Variants in ARFGAP2 observed in about 807,000 individuals in gnomAD.
ARFGAP2 encodes the protein ADP-ribosylation factor GTPase-activating protein 2.
ARFGAP2 carries 45 observed loss-of-function variants against 71.9 expected under a neutral mutation model. That is an observed-to-expected ratio of 0.63 (90% confidence interval 0.49 to 0.80). The LOEUF is 0.80. ARFGAP2 is among the 30% of genes least tolerant of loss of function. The pLI is 0.00. For synonymous variants in ARFGAP2, 248 were observed against 249.2 expected, an observed-to-expected ratio of 1.00 and a Z score of 0.05; for missense variants, 633 against 673.9, an observed-to-expected ratio of 0.94 and a Z score of 0.67.
chr11:47,176,630 C>G lies in ARFGAP2; in HGVS notation c.77G>C (p.Cys26Ser). ...RLRAVPTNKA[C>S]FDCGAKNPSW... is the part of the protein sequence containing the mutation. Reference sequence around the variant, plus strand: ...CGGATTCTTGGCGCCGCAGTCGAAACAGGCCTGGGTGGAGGCGGCGATGAG... The same window carrying G: ...CGGATTCTTGGCGCCGCAGTCGAAAGAGGCCTGGGTGGAGGCGGCGATGAG... Residue 26 changes from cysteine (C) to serine (S), a missense_variant, in exon 2 of 16, where the codon TGT becomes TCT. Transcript: ENST00000524782. 1.2e-6 allele frequency: 2 copies of G among 1,614,102 alleles called. No homozygotes were observed. Among genetic ancestry groups the G allele is most frequent in the Non-Finnish European group, 1.7e-6 (2 of 1,180,036 alleles).
chr11:47,173,491 G>A lies in ARFGAP2; in HGVS notation c.563-9C>T, dbSNP rs375036819. 2 of 1,553,428 alleles carry A rather than the reference G, an allele frequency of 1.3e-6. No individual in the cohort carries two copies. The highest frequency in any genetic ancestry group is 2.7e-5 in the African/African-American group (2 of 73,448). On this transcript the variant is annotated splice_polypyrimidine_tract_variant and intron_variant, in intron 6 of 15. Transcript: ENST00000524782. ...GGGGCCATGCTCCGGCTCTGTGGAT[G>A]CAATGGTAGGAGTTAGAGATGAGCT...
rs991199578 is a variant in ARFGAP2 at position 47,173,966 on chromosome 11, G to A, written c.481-126C>T. 5.3e-5 allele frequency: 80 copies of A among 1,503,178 alleles called. No individual in the cohort carries two copies. The African/African-American group carries it at 6.4e-4, about 12-fold the overall frequency. 93.1% of individuals were successfully genotyped at this position (1,503,178 alleles called of 1,614,324 possible). A position where few individuals can be genotyped will look rare whatever the true frequency, so the allele number is the denominator to read the frequency against. On this transcript the variant is annotated intron_variant, in intron 5 of 15. Transcript: ENST00000524782. ...AACCCATGAGGAAAGGGACTGGAGGGTAGCAAACAAGATCACAGTTGCTAT... is the reference window on the plus strand; with the variant it reads ...AACCCATGAGGAAAGGGACTGGAGGATAGCAAACAAGATCACAGTTGCTAT...
chr11:47,166,388 T>C lies in ARFGAP2; in HGVS notation c.1427-2A>G. 1 of 1,613,910 alleles carries C rather than the reference T, an allele frequency of 6.2e-7. No homozygotes were observed. The highest frequency in any genetic ancestry group is 2.2e-5 in the East Asian group (1 of 44,878). ...GCACGTTCCCCAGAGATACACTTCC[T>C]GTAAAACAAGAGCAGGGTGACCCAG... On this transcript the variant is annotated splice_acceptor_variant, in intron 14 of 15. Coordinates refer to ENST00000524782, the MANE Select transcript of ARFGAP2 (RefSeq NM_032389.6). LOFTEE classifies it high-confidence loss of function.
rs1952744320 is a variant in ARFGAP2 at position 47,175,028 on chromosome 11, G to T, written c.467C>A (p.Thr156Lys). 4 of 1,614,202 alleles carry T rather than the reference G, an allele frequency of 2.5e-6. No individual in the cohort carries two copies. Among genetic ancestry groups the T allele is most frequent in the African/African-American group, 1.3e-5 (1 of 75,058 alleles). Residue 156 changes from threonine (T) to lysine (K), a missense_variant, in exon 5 of 16, where the codon ACA becomes AAA. By Grantham distance (78) the Thr-to-Lys change is moderately conservative. Transcript: ENST00000524782. ...GTGGGCACTCACTTGAGTGTGTTCT[G>T]TGAAGAAATCAGAGTCCTTCTTCTC... Reference protein sequence around the residue: ...SPEKKDSDFFTEHTQPPAWDA... With the variant: ...SPEKKDSDFFKEHTQPPAWDA...
Position 47,164,395 on chromosome 11 carries a change from C to G in ARFGAP2, c.*1087G>C. ...ACAGTCCAGAAAGAAAGTCAAGTCC[C>G]TCTGGGGGAGGGGCAAGGGGAAGAG... On this transcript the variant is annotated 3_prime_UTR_variant, in exon 16 of 16. Coordinates refer to ENST00000524782, the MANE Select transcript of ARFGAP2 (RefSeq NM_032389.6). The G allele has an allele frequency of 1.0e-6, 1 of 979,066 alleles. No homozygotes were observed. The highest frequency in any genetic ancestry group is 1.4e-6 in the Non-Finnish European group (1 of 696,572). 60.6% of individuals were successfully genotyped at this position (979,066 alleles called of 1,614,324 possible).
In ARFGAP2 at chr11:47,165,629, C is replaced by T. The variant is rs77515045; in HGVS notation, c.1546-127G>A. 5.5e-4 allele frequency: 585 copies of T among 1,072,146 alleles called. 3 individuals carry two copies. The African/African-American group carries it at 8.6e-3, about 16-fold the overall frequency. 66.4% of individuals were successfully genotyped at this position (1,072,146 alleles called of 1,614,324 possible). On this transcript the variant is annotated intron_variant, in intron 15 of 15. Transcript: ENST00000524782. Reference sequence around the variant, plus strand: ...CTGGGGAGGCAGGGGCTGGACAGCCCGGTGAGGCAGGAGTCCACGGTGAGA... The same window carrying T: ...CTGGGGAGGCAGGGGCTGGACAGCCTGGTGAGGCAGGAGTCCACGGTGAGA...
At chr11:47,173,030 G>A (rs1952662551) in intron 7 of ARFGAP2, 1 of 358,006 alleles carries the variant, frequency 2.8e-6, no homozygotes, top group African/African-American at 2.1e-5. Context: ...GGTACTGGCT[G>A]AGAAAGAACA....
chr11:47,170,764 A>G (rs1219926324), intron 10 of ARFGAP2, among the ~76,000 whole-genome samples: 1 of 152,034 alleles, frequency 6.6e-6, no homozygotes, highest in Non-Finnish European at 1.5e-5. Context: ...TGGACAACAT[A>G]GCAAAACCCT....
Position 47,171,710 on chromosome 11 carries a change from G to A in ARFGAP2, c.763C>T (p.Arg255Cys), listed in dbSNP as rs138040761. ...TTGGCATCGGCTGCCTGCTGCTCACGGAGCTTCTCTGCCACCTGAGCCTGC... is the reference window on the plus strand; with the variant it reads ...TTGGCATCGGCTGCCTGCTGCTCACAGAGCTTCTCTGCCACCTGAGCCTGC... ...ERQAQVAEKL[R>C]EQQAADAKKQ... The change falls in exon 9 of 16, where the codon CGT (arginine) becomes TGT (cysteine). Residue 255 changes from arginine (R) to cysteine (C), a missense_variant. Transcript: ENST00000524782. The A allele has an allele frequency of 7.9e-4, 1,278 of 1,613,802 alleles. 21 individuals carry two copies. The South Asian group carries it at 0.013, about 16-fold the overall frequency.
chr11:47,176,268 T>G (rs1952816911), intron 2 of ARFGAP2: 1 of 591,682 alleles, frequency 1.7e-6, no homozygotes. Flanking sequence ...TCCCCTCAAC[T>G]AACGCTCAGA....
At position 47,176,524 on chromosome 11, in the gene ARFGAP2, G is replaced by C; in HGVS notation, c.183C>G (p.Ser61Arg). The change falls in exon 2 of 16, where the codon AGC becomes AGG. Residue 61 changes from serine (S) to arginine (R), a missense_variant. Coordinates refer to ENST00000524782, the MANE Select transcript of ARFGAP2 (RefSeq NM_032389.6). ...GVHRSLGVHL[S>R]FIRSTELDSN... ...CCGCGCGGAGAGCCTACCTGATGAA[G>C]CTCAGATGGACGCCCAGGGAGCGGT... The C allele has an allele frequency of 6.2e-7, 1 of 1,613,484 alleles. No homozygotes were observed. The highest frequency in any genetic ancestry group is 8.5e-7 in the Non-Finnish European group (1 of 1,179,982).
Position 47,164,346 on chromosome 11 carries a change from T to C in ARFGAP2, c.*1136A>G, listed in dbSNP as rs1760560093. On this transcript the variant is annotated 3_prime_UTR_variant, in exon 16 of 16. Coordinates refer to ENST00000524782, the MANE Select transcript of ARFGAP2 (RefSeq NM_032389.6). ...GCCAGGCCCTGCAGGGGCTTTATTT[T>C]GACACCACTTTGTTTCAATACAAAC... 8 of 1,320,808 alleles carry C rather than the reference T, an allele frequency of 6.1e-6. No homozygotes were observed. In the South Asian group the frequency reaches 1.2e-4, roughly 20 times the overall value. The allele number at this position is 1,320,808 out of a possible 1,614,324, so 81.8% of individuals were successfully genotyped here.
Position 47,172,348 on chromosome 11 carries a change from G to A in ARFGAP2, c.620-15C>T. ...GCTTTTCAGTTCTGCGTGAGAAACG[G>A]GTAGGCATGAGCTAAGACAAAGGCA... On this transcript the variant is annotated splice_polypyrimidine_tract_variant and intron_variant, in intron 7 of 15. Coordinates refer to ENST00000524782, the MANE Select transcript of ARFGAP2 (RefSeq NM_032389.6). The A allele has an allele frequency of 6.2e-7, 1 of 1,614,076 alleles. No homozygotes were observed. Among genetic ancestry groups the A allele is most frequent in the Non-Finnish European group, 8.5e-7 (1 of 1,179,998 alleles).
In ARFGAP2 at chr11:47,171,346, T is replaced by A. The variant is rs1015570008; in HGVS notation, c.941+80A>T. 4.4e-6 allele frequency: 7 copies of A among 1,575,856 alleles called. No individual in the cohort carries two copies. In the Admixed American group the frequency reaches 5.4e-5, roughly 12 times the overall value. ...ACTTGGAGAAACAATAAGCCTAGCA[T>A]CCCAAACTGCTAGGAAGGCCCCGCA... is the stretch of plus-strand genomic sequence containing the variant. On this transcript the variant is annotated intron_variant, in intron 10 of 15. Transcript: ENST00000524782.
intron 3 of ARFGAP2, 199 bp downstream of exon 3, chr11:47,175,652 C>T: frequency 3.0e-6 from 2 of 671,294 alleles, no homozygotes; most frequent in South Asian, 1.9e-5. Flanking sequence ...CCAAGAACAC[C>T]TGCCCAGTTT....
Position 47,173,760 on chromosome 11 carries a change from T to A in ARFGAP2, c.561A>T (p.Ala187=). The A allele has an allele frequency of 1.3e-6, 2 of 1,599,642 alleles. No homozygotes were observed. The highest frequency in any genetic ancestry group is 1.7e-6 in the Non-Finnish European group (2 of 1,172,976). ...GGTTGGAATCTGGGCTGAACTCACG[T>A]GCCAGGCCACTGCTCTCTGTAGACG... The part of the protein sequence containing the change: ...PAPSTESSGL[A]QPEHGPNTDL... The change falls in exon 6 of 16, where the codon GCA becomes GCT. Residue 187 remains alanine, a splice_region_variant and synonymous_variant. Transcript: ENST00000524782.
At chr11:47,172,050 G>T (rs1404986818) in intron 8 of ARFGAP2, 7 of 700,372 alleles carry the variant, frequency 1.0e-5, no homozygotes, top group Non-Finnish European at 1.7e-5. Context: ...TATGTGCCAA[G>T]CACTCCGCCA....
chr11:47,165,375 G>A lies in ARFGAP2; in HGVS notation c.*107C>T, dbSNP rs903654159. 2.9e-5 allele frequency: 42 copies of A among 1,427,478 alleles called. No homozygotes were observed. The highest frequency in any genetic ancestry group is 5.8e-5 in the African/African-American group (4 of 68,532). 88.4% of individuals were successfully genotyped at this position (1,427,478 alleles called of 1,614,324 possible). ...CACCCCACACACACACCACACATACGAAGTAACAAATCCTCCCCAGCTTCC... is the reference window on the plus strand; with the variant it reads ...CACCCCACACACACACCACACATACAAAGTAACAAATCCTCCCCAGCTTCC... On this transcript the variant is annotated 3_prime_UTR_variant, in exon 16 of 16. Transcript: ENST00000524782.
chr11:47,174,001 A>C, intron 5 of ARFGAP2, 161 bp from the exon 6 acceptor site: 1 of 1,384,702 alleles, frequency 7.2e-7, no homozygotes, highest in South Asian at 1.3e-5. Flanking sequence ...TTCACTGTGG[A>C]AGAAAGCAGG....
Sources: gnomAD v4.1 joint callset for allele counts (sites outside exome capture counted in the v4.1 genomes callset) on GRCh38, gnomAD v4.1.1 for gene constraint, MANE v1.5 for transcripts, NCBI Gene and HGNC (gene_info 2026-07-23, HGNC 2026-07-21) for gene names.